The following DIAPH2 variants were observed in gnomAD, a reference collection of about 807,000 sequenced individuals.
DIAPH2 encodes the protein diaphanous related formin 2, also known as protein diaphanous homolog 2.
A neutral mutation model predicts 92.7 loss-of-function variants in DIAPH2; 35 were observed. The ratio of observed to expected loss-of-function variants is 0.38; its 90% CI spans 0.29 to 0.50. The LOEUF (loss-of-function observed/expected upper bound fraction) is 0.50. Ranked by LOEUF, DIAPH2 falls within the 20% of genes least tolerant of loss-of-function variation. DIAPH2 has a pLI of 0.94. For missense variants in DIAPH2, 701 were observed against 819.5 expected, an observed-to-expected ratio of 0.86 and a Z score of 1.77; for synonymous variants, 301 against 280.4, an observed-to-expected ratio of 1.07 and a Z score of -0.73.
At chrX:97,336,462 G>T (rs186248876) in intron 23 of DIAPH2, among the ~76,000 whole-genome samples, 1,279 of 108,446 alleles carry the variant, frequency 0.012, 18 homozygotes, top group African/African-American at 0.041. Context: ...TGTTAGCCAG[G>T]ATGGTCTCGA....
chrX:97,487,390 T>C (rs752014531), intron 26 of DIAPH2, among the ~76,000 whole-genome samples: 51 of 111,522 alleles, frequency 4.6e-4, no homozygotes, highest in Non-Finnish European at 8.9e-4. Context: ...TTCTCCTGCC[T>C]CAGCCTCCTG....
chrX:96,818,926 G>T (rs944977526), intron 4 of DIAPH2, among the ~76,000 whole-genome samples: 3 of 112,631 alleles, frequency 2.7e-5, no homozygotes, highest in Non-Finnish European at 5.6e-5. Flanking sequence ...GGATGTAATT[G>T]TTCCACCTCA....
chrX:97,150,223 TG>T (rs1363717119), intron 22 of DIAPH2, among the ~76,000 whole-genome samples: 1 of 111,738 alleles, frequency 8.9e-6, no homozygotes, highest in African/African-American at 3.2e-5. Context: ...GTTTTCTTCT[TG>T]CTGTTCAGTA....
intron 25 of DIAPH2, among the ~76,000 whole-genome samples, chrX:97,395,206 G>A (rs1569384537): frequency 9.0e-6 from 1 of 111,681 alleles, no homozygotes; most frequent in East Asian, 2.8e-4. Flanking sequence ...TAGCCTAAAA[G>A]AAGTGGAGTT....
intron 23 of DIAPH2, among the ~76,000 whole-genome samples, chrX:97,310,366 C>T (rs1602497663): frequency 1.8e-5 from 2 of 111,828 alleles, no homozygotes; most frequent in East Asian, 2.8e-4. Context: ...GAAATAAAGA[C>T]ATTGCAAAGT....
At chrX:96,883,432 G>C (rs901806941) in intron 5 of DIAPH2, among the ~76,000 whole-genome samples, 13 of 107,542 alleles carry the variant, frequency 1.2e-4, no homozygotes, top group African/African-American at 4.1e-4. Context: ...CGAGGCTGGA[G>C]TGCAGTGGTG....
intron 4 of DIAPH2, among the ~76,000 whole-genome samples, chrX:96,817,103 A>T (rs1425883168): frequency 8.9e-6 from 1 of 111,913 alleles, no homozygotes; most frequent in East Asian, 2.8e-4. Context: ...GGAAGTGGGG[A>T]TGGTTAATGT....
chrX:96,750,750 A>G (rs1008163528), intron 3 of DIAPH2, among the ~76,000 whole-genome samples: 15 of 112,846 alleles, frequency 1.3e-4, no homozygotes, highest in East Asian at 2.8e-4. Context: ...ATCCAACTGT[A>G]TAGTAAACCT....
chrX:97,582,207 C>G (rs1192754140), intron 26 of DIAPH2, among the ~76,000 whole-genome samples: 1 of 39,185 alleles, frequency 2.6e-5, no homozygotes, highest in Admixed American at 3.4e-4. Flanking sequence ...ATTTGATCCT[C>G]TCATTATGAT....
chrX:96,887,419 A>T (rs1265750232), intron 5 of DIAPH2, among the ~76,000 whole-genome samples: 2 of 111,120 alleles, frequency 1.8e-5, no homozygotes, highest in Non-Finnish European at 3.8e-5. Flanking sequence ...GGGACATACT[A>T]TTGACTATTT....
At chrX:97,370,827 G>C (rs950544503) in intron 24 of DIAPH2, among the ~76,000 whole-genome samples, 3 of 111,912 alleles carry the variant, frequency 2.7e-5, no homozygotes, top group African/African-American at 9.7e-5. Flanking sequence ...AATTTCATTT[G>C]ATTCAGAGGT....
At chrX:96,921,227 A>G (rs1008120734) in intron 9 of DIAPH2, among the ~76,000 whole-genome samples, 2 of 111,079 alleles carry the variant, frequency 1.8e-5, no homozygotes, top group African/African-American at 6.5e-5. Context: ...CTTCTCACAG[A>G]TTTTTTTTCC....
At chrX:96,882,928 C>T (rs746783036) in intron 5 of DIAPH2, among the ~76,000 whole-genome samples, 43 of 80,191 alleles carry the variant, frequency 5.4e-4, no homozygotes, top group African/African-American at 2.2e-3. Flanking sequence ...CACTGCACTC[C>T]AACCTGGGAG....
At chrX:97,224,761 C>T (rs975542464) in intron 22 of DIAPH2, among the ~76,000 whole-genome samples, 5 of 111,550 alleles carry the variant, frequency 4.5e-5, no homozygotes, top group Non-Finnish European at 9.4e-5. Flanking sequence ...TGCTAAGAAT[C>T]GAAAATGATC....
In DIAPH2 at chrX:97,072,963, A is replaced by T. The variant is rs781410147; in HGVS notation, c.2073A>T (p.Leu691Phe). The change falls in exon 18 of 27, where the codon TTA becomes TTT. Residue 691 changes from leucine to phenylalanine, a missense_variant. By Grantham distance (22) the Leu-to-Phe change is conservative. This residue lies in a region of DIAPH2 where 536 missense variants were observed against 599.3 expected (regional missense o/e 0.89). Transcript: ENST00000324765. ...QIKVQKNAEA[L>F]EEKKTGPTKK... is the part of the protein sequence containing the mutation. Reference sequence around the variant, plus strand: ...CAGTTCAAAAGAACGCAGAAGCATTAGAAGAAAAGAAGACTGGGCCTACAA... The same window carrying T: ...CAGTTCAAAAGAACGCAGAAGCATTTGAAGAAAAGAAGACTGGGCCTACAA... The T allele has an allele frequency of 8.4e-7, 1 of 1,197,253 alleles. No individual in the cohort carries two copies. Among genetic ancestry groups the T allele is most frequent in the African/African-American group, 1.8e-5 (1 of 56,356 alleles).
chrX:97,125,129 A>G (rs1488594617), intron 21 of DIAPH2, among the ~76,000 whole-genome samples: 3 of 111,238 alleles, frequency 2.7e-5, no homozygotes. Flanking sequence ...GAGAAACAGG[A>G]TTGAGTTAAA....
intron 4 of DIAPH2, among the ~76,000 whole-genome samples, chrX:96,803,893 G>A (rs1006570722): frequency 2.7e-5 from 3 of 110,965 alleles, no homozygotes; most frequent in Admixed American, 9.6e-5. Flanking sequence ...CAAAAAATTA[G>A]CCGGGCACGG....
chrX:96,964,375 G>A (rs190502009), intron 16 of DIAPH2, among the ~76,000 whole-genome samples: 5 of 111,704 alleles, frequency 4.5e-5, no homozygotes, highest in Non-Finnish European at 7.5e-5. Context: ...TAATGTAGTC[G>A]TATGCTTCCT....
chrX:97,265,908 C>T (rs185736772), intron 23 of DIAPH2, among the ~76,000 whole-genome samples: 1 of 111,820 alleles, frequency 8.9e-6, no homozygotes, highest in African/African-American at 3.2e-5. Context: ...AGGAATAACC[C>T]ATGCTCACAG....
Sources: gnomAD v4.1 joint callset for allele counts (sites outside exome capture counted in the v4.1 genomes callset) on GRCh38, gnomAD v4.1.1 for gene constraint, gnomAD v4.1.1 regional missense constraint, MANE v1.5 for transcripts, NCBI Gene and HGNC (gene_info 2026-07-23, HGNC 2026-07-21) for gene names.